ACACA: variants seen among roughly 807,000 people sequenced by gnomAD.
ACACA encodes acetyl-CoA carboxylase 1.
A neutral mutation model predicts 296.1 loss-of-function variants in ACACA; 103 were observed. The observed-to-expected ratio is 0.35, with a 90% confidence interval of 0.30 to 0.41. The LOEUF (loss-of-function observed/expected upper bound fraction) is 0.41. Ranked by LOEUF, ACACA falls within the 10% of genes least tolerant of loss-of-function variation. ACACA has a pLI of 1.00. For missense variants in ACACA, 1,554 were observed against 2,989.7 expected (o/e 0.52, Z 11.20); for synonymous variants, 953 against 1,038.6 (o/e 0.92, Z 1.58).
Position 37,121,506 on chromosome 17 carries a change from AAAG to A in ACACA, c.6139-19_6139-17del, listed in dbSNP as rs752062238. ...GCTGGATTATCTATTAGGAAAAGTC[AAAG>A]AAGACACAATTAACAACACAGCTCC... On this transcript the variant is annotated splice_polypyrimidine_tract_variant and intron_variant, in intron 49 of 55. Transcript: ENST00000616317. 1 of 1,614,050 alleles carries A rather than the reference AAAG, an allele frequency of 6.2e-7. No homozygotes were observed. The highest frequency in any genetic ancestry group is 8.5e-7 in the Non-Finnish European group (1 of 1,179,992).
At chr17:37,250,086 TA>T (rs2080911398) in intron 16 of ACACA, among the ~76,000 whole-genome samples, 1 of 152,252 alleles carries the variant, frequency 6.6e-6, no homozygotes, top group Non-Finnish European at 1.5e-5. Context: ...GTGACTCAAT[TA>T]AACTTCTTTC....
At chr17:37,279,388 A>T (rs1289034857) in intron 5 of ACACA, among the ~76,000 whole-genome samples, 1 of 152,162 alleles carries the variant, frequency 6.6e-6, no homozygotes, top group Non-Finnish European at 1.5e-5. Context: ...TAATCCTAGC[A>T]TTTTGGGAGG....
chr17:37,391,617 T>A, intron 1 of ACACA: 3 of 1,601,666 alleles, frequency 1.9e-6, no homozygotes, highest in Middle Eastern at 3.3e-4. Context: ...GCATCCTTTT[T>A]TAACTTTCAT....
Position 37,283,419 on chromosome 17 carries a change from G to A in ACACA, c.472-14C>T. ...AGCAATAAGAACCTGGGAGGGGGAA[G>A]GAGATGGGAATGGGAAGAAAAGGCA... On this transcript the variant is annotated splice_polypyrimidine_tract_variant and intron_variant, in intron 4 of 55. Transcript: ENST00000616317. 1 of 1,614,020 alleles carries A rather than the reference G, an allele frequency of 6.2e-7. No individual in the cohort carries two copies. Among genetic ancestry groups the A allele is most frequent in the South Asian group, 1.1e-5 (1 of 91,070 alleles).
intron 49 of ACACA, 31 bp downstream of exon 49, chr17:37,122,500 C>A: frequency 1.3e-6 from 2 of 1,573,026 alleles, no homozygotes; most frequent in Non-Finnish European, 1.8e-6. Flanking sequence ...ACCCTCCAAG[C>A]ACAGCCCCCA....
intron 3 of ACACA, among the ~76,000 whole-genome samples, chr17:37,288,557 T>G (rs2082897496): frequency 6.6e-6 from 1 of 152,194 alleles, no homozygotes; most frequent in Admixed American, 6.5e-5. Context: ...TAGTAATGGT[T>G]ACATGGGTAG....
intron 1 of ACACA, chr17:37,379,042 A>C: frequency 7.1e-7 from 1 of 1,411,996 alleles, no homozygotes; most frequent in Non-Finnish European, 9.4e-7. Flanking sequence ...ACTGCACTCC[A>C]GCTTGGGTGA....
chr17:37,205,242 T>C (rs1013433210), intron 33 of ACACA, among the ~76,000 whole-genome samples: 4 of 152,150 alleles, frequency 2.6e-5, no homozygotes, highest in Non-Finnish European at 4.4e-5. Context: ...GTGAGGTTTT[T>C]TGTTTTGTTT....
At chr17:37,379,022 T>C in intron 1 of ACACA, 1 of 1,280,084 alleles carries the variant, frequency 7.8e-7, no homozygotes, top group Non-Finnish European at 1.1e-6. Context: ...GAGTGAGCCA[T>C]GATTGCGACA....
chr17:37,379,406 G>C (rs757069743), intron 1 of ACACA: 11 of 1,606,002 alleles, frequency 6.8e-6, no homozygotes, highest in Non-Finnish European at 9.4e-6. Flanking sequence ...AGAGGAAGGG[G>C]GCAGGCACTA....
intron 3 of ACACA, among the ~76,000 whole-genome samples, chr17:37,301,223 G>A (rs1033155020): frequency 2.0e-5 from 3 of 152,152 alleles, no homozygotes; most frequent in South Asian, 2.1e-4. Flanking sequence ...AGGTCCAAAA[G>A]CAAAGCTAGA....
intron 11 of ACACA, among the ~76,000 whole-genome samples, chr17:37,262,179 A>G (rs2146271128): frequency 6.6e-6 from 1 of 152,314 alleles, no homozygotes. Context: ...ACTTTTCTCT[A>G]CTTCATCATT....
intron 1 of ACACA, chr17:37,376,214 G>A: frequency 7.2e-7 from 1 of 1,383,908 alleles, no homozygotes; most frequent in Non-Finnish European, 1.0e-6. Flanking sequence ...GAGTTTCGGG[G>A]TCTCTTCCAC....
At chr17:37,117,178 T>C (rs2074299033) in intron 50 of ACACA, among the ~76,000 whole-genome samples, 1 of 152,194 alleles carries the variant, frequency 6.6e-6, no homozygotes, top group African/African-American at 2.4e-5. Context: ...TCCCACACTC[T>C]TGAAAATGAA....
intron 50 of ACACA, 52 bp downstream of exon 50, chr17:37,121,303 A>C (rs2074517792): frequency 6.2e-7 from 1 of 1,612,922 alleles, no homozygotes; most frequent in Non-Finnish European, 8.5e-7. Context: ...CCTCTGCCGC[A>C]GAGTGCCCAG....
chr17:37,097,907 T>C lies in ACACA; in HGVS notation c.6643A>G (p.Ile2215Val). The C allele has an allele frequency of 1.2e-6, 2 of 1,614,168 alleles. No homozygotes were observed. The highest frequency in any genetic ancestry group is 1.7e-6 in the Non-Finnish European group (2 of 1,180,016). The change falls in exon 53 of 56, where the codon ATT becomes GTT. Residue 2215 changes from isoleucine to valine, a missense_variant. Ile to Val is a conservative substitution (Grantham distance 29). Transcript: ENST00000616317. The surrounding 1 kb of genome is among the most constrained non-coding windows in gnomAD (Gnocchi z 4.8). The stretch of plus-strand genomic sequence containing the variant: ...AACTGCACGGCTACCTGATGGTAAA[T>C]GGGAATTAGGAATTCCTCCCGCTCC... ...LKEREEFLIP[I>V]YHQVAVQFAD...
intron 28 of ACACA, among the ~76,000 whole-genome samples, chr17:37,222,649 A>G (rs932460688): frequency 6.6e-6 from 1 of 152,120 alleles, no homozygotes. Flanking sequence ...ACTACAAAAC[A>G]CTTAAATGTT....
chr17:37,372,915 C>T (rs2049859316), intron 1 of ACACA, among the ~76,000 whole-genome samples: 1 of 151,516 alleles, frequency 6.6e-6, no homozygotes, highest in South Asian at 2.1e-4. Flanking sequence ...GAGTCTCGCA[C>T]TGTCACCCAG....
chr17:37,200,723 G>T (rs900391340), intron 33 of ACACA, among the ~76,000 whole-genome samples: 1 of 152,202 alleles, frequency 6.6e-6, no homozygotes, highest in Non-Finnish European at 1.5e-5. Context: ...TTGTGGAGGA[G>T]AAAGGGTGAT....
Sources: allele counts gnomAD v4.1 joint callset (sites outside exome capture counted in the v4.1 genomes callset), GRCh38; gene constraint gnomAD v4.1.1; non-coding constraint Gnocchi (gnomAD v3.1); transcripts MANE v1.5; gene names NCBI Gene and HGNC (gene_info 2026-07-23, HGNC 2026-07-21).